PCDHGA4: variants seen among roughly 807,000 people sequenced by gnomAD.
The protein encoded by PCDHGA4 is protocadherin gamma subfamily A, 4, also known as protocadherin gamma-A4.
Under a neutral mutation model 54.6 loss-of-function variants are expected in PCDHGA4, and 38 were observed. The observed-to-expected ratio is 0.70, with a 90% CI of 0.54 to 0.91. The LOEUF is 0.91. Ranked by LOEUF, PCDHGA4 falls within the 40% of genes least tolerant of loss-of-function variation. The pLI is 0.00. For missense variants in PCDHGA4, 1,298 were observed against 1,220.9 expected (o/e 1.06, Z -0.94); for synonymous variants, 511 against 512.9 (o/e 1.00, Z 0.05).
At position 141,356,183 on chromosome 5, in the gene PCDHGA4, GAGCTAGA is replaced by G. The variant is rs756678007; in HGVS notation, c.1080_1086del (p.Ser362TyrfsTer3). 6.2e-7 allele frequency: 1 copy of G among 1,611,306 alleles called. No individual in the cohort carries two copies. The highest frequency in any genetic ancestry group is 1.7e-5 in the Admixed American group (1 of 59,592). On this transcript the variant is annotated frameshift_variant, in exon 1 of 4. Transcript: ENST00000571252. LOFTEE classifies it high-confidence loss of function. Reference sequence around the variant, plus strand: ...GAAGCCCATGATGGGCCTGGTCTCCGAGCTAGAAGCAAGGTACTGGTGACAGTTCTGG... The same window carrying G: ...GAAGCCCATGATGGGCCTGGTCTCCGAGCAAGGTACTGGTGACAGTTCTGG...
chr5:141,393,861 A>G (rs1324870023), intron 1 of PCDHGA4: 11 of 1,613,904 alleles, frequency 6.8e-6, no homozygotes, highest in Non-Finnish European at 9.3e-6. Context: ...AGTGATCATT[A>G]CGTCTTTGTT....
At chr5:141,376,106 C>A (rs747782630) in intron 1 of PCDHGA4, 2 of 1,613,796 alleles carry the variant, frequency 1.2e-6, no homozygotes, top group East Asian at 4.5e-5. Context: ...CCTGGCCGAC[C>A]TGGGCAGCCT....
chr5:141,432,495 C>G lies in PCDHGA4; in HGVS notation c.2515-62312C>G. 1.2e-6 allele frequency: 2 copies of G among 1,614,182 alleles called. No individual in the cohort carries two copies. The highest frequency in any genetic ancestry group is 1.7e-6 in the Non-Finnish European group (2 of 1,180,048). On this transcript the variant is annotated intron_variant, in intron 1 of 3. Coordinates refer to ENST00000571252, the MANE Select transcript of PCDHGA4 (RefSeq NM_018917.4). The surrounding 1 kb of genome is among the most constrained non-coding windows in gnomAD (Gnocchi z 6.0). ...GGTTCCACTGGCGTGGAGCTGGCTC[C>G]CCGCTCCGCAGAGCCCGGCTACCTG...
chr5:141,500,345 A>G (rs1459262760), intron 2 of PCDHGA4, among the ~76,000 whole-genome samples: 3 of 151,916 alleles, frequency 2.0e-5, no homozygotes, highest in Non-Finnish European at 4.4e-5. Context: ...AATAGCTGGG[A>G]CTACAGGCGC....
At chr5:141,422,292 T>C in intron 1 of PCDHGA4, 1 of 1,552,434 alleles carries the variant, frequency 6.4e-7, no homozygotes. Context: ...CTTCTATTAA[T>C]TCAATTCTGG....
At chr5:141,392,815 T>G (rs1361544072) in intron 1 of PCDHGA4, 1 of 1,586,560 alleles carries the variant, frequency 6.3e-7, no homozygotes, top group South Asian at 1.1e-5. Flanking sequence ...AAAACAACAA[T>G]GGCCGCTCCA....
chr5:141,386,504 T>A (rs1351334049), intron 1 of PCDHGA4, among the ~76,000 whole-genome samples: 1 of 84,712 alleles, frequency 1.2e-5, no homozygotes, highest in Non-Finnish European at 2.3e-5. Flanking sequence ...AACAAGACTC[T>A]GTCTCTTCAA....
chr5:141,461,072 A>C (rs555905734), intron 1 of PCDHGA4, among the ~76,000 whole-genome samples: 1 of 151,688 alleles, frequency 6.6e-6, no homozygotes, highest in African/African-American at 2.4e-5. Context: ...ACATTTTTGC[A>C]ATTGTGAATT....
chr5:141,402,996 T>G, intron 1 of PCDHGA4: 3 of 1,613,890 alleles, frequency 1.9e-6, no homozygotes, highest in Non-Finnish European at 1.7e-6. Context: ...AGATTAGTCC[T>G]GCTATGCTCG....
chr5:141,491,544 C>G lies in PCDHGA4; in HGVS notation c.2515-3263C>G, dbSNP rs546391464. The G allele has an allele frequency of 1.1e-5, 17 of 1,614,018 alleles. No individual in the cohort carries two copies. In the Admixed American group the frequency reaches 1.8e-4, roughly 17 times the overall value. Reference sequence around the variant, plus strand: ...TGGAGGTGACGCTGCGGCCCACAGACTCGCAGAGCCACTGCTACAGGACGT... The same window carrying G: ...TGGAGGTGACGCTGCGGCCCACAGAGTCGCAGAGCCACTGCTACAGGACGT... On this transcript the variant is annotated intron_variant, in intron 1 of 3. Transcript: ENST00000571252. The surrounding 1 kb of genome is among the most constrained non-coding windows in gnomAD (Gnocchi z 6.9).
chr5:141,441,136 GA>G (rs1379465827), intron 1 of PCDHGA4: 2 of 152,304 alleles, frequency 1.3e-5, no homozygotes, highest in Middle Eastern at 3.4e-3. Flanking sequence ...CGAATTTCTA[GA>G]AGATAATGAC....
intron 1 of PCDHGA4, chr5:141,423,111 T>C (rs1394665462): frequency 3.1e-6 from 5 of 1,613,718 alleles, no homozygotes; most frequent in South Asian, 1.1e-5. Flanking sequence ...GCGAGGTGCG[T>C]ACAGCGCGGG....
At chr5:141,422,747 C>T (rs1381295469) in intron 1 of PCDHGA4, 2 of 1,611,224 alleles carry the variant, frequency 1.2e-6, no homozygotes, top group Non-Finnish European at 1.7e-6. Context: ...TCCTATGTCT[C>T]TATTAACTCC....
chr5:141,355,458 C>T lies in PCDHGA4; in HGVS notation c.351C>T (p.Thr117=), dbSNP rs1759862433. The T allele has an allele frequency of 3.1e-6, 5 of 1,614,050 alleles. No individual in the cohort carries two copies. The South Asian group carries it at 5.5e-5, about 18-fold the overall frequency. ...ALNPRSGTLV[T]AGRIDREELC... ...ACCCGCGCAGCGGCACCTTGGTCAC[C>T]GCGGGTAGGATAGACAGGGAGGAGC... Residue 117 remains threonine, a synonymous_variant, in exon 1 of 4, where the codon ACC becomes ACT. Coordinates refer to ENST00000571252, the MANE Select transcript of PCDHGA4 (RefSeq NM_018917.4).
At position 141,356,985 on chromosome 5, in the gene PCDHGA4, CAG is replaced by C; in HGVS notation, c.1882_1883del (p.Asp628LeufsTer77). 6.2e-7 allele frequency: 1 copy of C among 1,614,208 alleles called. No individual in the cohort carries two copies. Among genetic ancestry groups the C allele is most frequent in the Non-Finnish European group, 8.5e-7 (1 of 1,180,022 alleles). On this transcript the variant is annotated frameshift_variant, in exon 1 of 4. Coordinates refer to ENST00000571252, the MANE Select transcript of PCDHGA4 (RefSeq NM_018917.4). LOFTEE classifies it high-confidence loss of function. ...TGGTGACCAAAGTGGTGGCAGTGGA[CAG>C]AGACTCAGGTCAGAATGCCTGGCTG... ...YLVTKVVAVDRDSGQNAWLSY... is the reference protein window; with the variant it reads ...YLVTKVVAVDXDSGQNAWLSY...
At chr5:141,363,584 T>C (rs1175154896) in intron 1 of PCDHGA4, among the ~76,000 whole-genome samples, 1 of 152,246 alleles carries the variant, frequency 6.6e-6, no homozygotes, top group Non-Finnish European at 1.5e-5. Context: ...AATGCATAGT[T>C]AACCCAACTC....
chr5:141,410,222 G>A, intron 1 of PCDHGA4: 2 of 1,614,018 alleles, frequency 1.2e-6, no homozygotes, highest in South Asian at 2.2e-5. Flanking sequence ...GATACTGCCA[G>A]ACCTCAGCGA....
chr5:141,366,535 G>A (rs1463456881), intron 1 of PCDHGA4: 1 of 1,614,144 alleles, frequency 6.2e-7, no homozygotes, highest in Non-Finnish European at 8.5e-7. Flanking sequence ...TGGCGGGTGT[G>A]CCCGCCTCGC....
intron 1 of PCDHGA4, among the ~76,000 whole-genome samples, chr5:141,453,047 G>A (rs930795400): frequency 1.3e-5 from 2 of 152,172 alleles, no homozygotes; most frequent in African/African-American, 4.8e-5. Context: ...TTTCTATTAT[G>A]TGCAGTTTTA....
Sources: allele counts gnomAD v4.1 joint callset (sites outside exome capture counted in the v4.1 genomes callset), GRCh38; gene constraint gnomAD v4.1.1; non-coding constraint Gnocchi (gnomAD v3.1); transcripts MANE v1.5; gene names NCBI Gene and HGNC (gene_info 2026-07-23, HGNC 2026-07-21).